The following CSMD1 variants were observed in gnomAD, a reference collection of about 807,000 sequenced individuals.
The protein encoded by CSMD1 is CUB and Sushi multiple domains 1.
Under a neutral mutation model 417.5 loss-of-function variants are expected in CSMD1, and 213 were observed. The observed-to-expected ratio is 0.51, with a 90% CI of 0.46 to 0.57. The LOEUF (loss-of-function observed/expected upper bound fraction) is 0.57, where lower values mean the gene tolerates loss of function less well. Ranked by LOEUF, CSMD1 falls within the 20% of genes least tolerant of loss-of-function variation. The probability of loss-of-function intolerance (pLI) is 0.00; values close to 1 mark genes in which losing one functional copy is unlikely to be tolerated. For synonymous variants in CSMD1, 2,862 were observed against 1,736.8 expected, an observed-to-expected ratio of 1.65 and a Z score of -16.11; for missense variants, 6,923 against 4,529.7, an observed-to-expected ratio of 1.53 and a Z score of -15.17.
chr8:3,920,800 C>T (rs939379812), intron 5 of CSMD1, among the ~76,000 whole-genome samples: 11 of 152,050 alleles, frequency 7.2e-5, no homozygotes, highest in Non-Finnish European at 1.5e-4. Context: ...GTTAAAACAA[C>T]CTTGCATCCC....
chr8:3,143,068 C>T (rs922711269), intron 40 of CSMD1, among the ~76,000 whole-genome samples: 1 of 152,182 alleles, frequency 6.6e-6, no homozygotes, highest in East Asian at 1.9e-4. Flanking sequence ...TCTGTTACAT[C>T]ACCCAAAAGC....
intron 5 of CSMD1, among the ~76,000 whole-genome samples, chr8:3,983,526 T>C (rs1315822886): frequency 6.6e-6 from 1 of 152,216 alleles, no homozygotes; most frequent in East Asian, 1.9e-4. Context: ...GAAACTGCCC[T>C]TGGATGCCAT....
intron 5 of CSMD1, among the ~76,000 whole-genome samples, chr8:3,954,448 C>G (rs1034048874): frequency 2.0e-5 from 3 of 152,118 alleles, no homozygotes; most frequent in Non-Finnish European, 1.5e-5. Context: ...CTCACTGCAA[C>G]CTCCTCCTCC....
intron 5 of CSMD1, among the ~76,000 whole-genome samples, chr8:3,810,456 TG>T (rs1206189983): frequency 5.9e-5 from 9 of 152,096 alleles, no homozygotes; most frequent in African/African-American, 2.2e-4. Flanking sequence ...CGGGAGGACC[TG>T]GGCACACTGC....
At chr8:3,626,158 C>T (rs756747176) in intron 7 of CSMD1, among the ~76,000 whole-genome samples, 5 of 152,162 alleles carry the variant, frequency 3.3e-5, no homozygotes, top group Admixed American at 2.6e-4. Flanking sequence ...CACCAAAGAG[C>T]GACGTCTCTA....
intron 26 of CSMD1, among the ~76,000 whole-genome samples, chr8:3,280,676 C>T (rs1202187183): frequency 2.0e-5 from 3 of 151,960 alleles, no homozygotes; most frequent in South Asian, 2.1e-4. Flanking sequence ...ATAAAAATGA[C>T]AATTTCATAT....
chr8:3,834,514 G>C (rs1222108398), intron 5 of CSMD1, among the ~76,000 whole-genome samples: 1 of 152,146 alleles, frequency 6.6e-6, no homozygotes, highest in African/African-American at 2.4e-5. Context: ...GGAGAAACGG[G>C]GTAGAAGCTG....
intron 1 of CSMD1, among the ~76,000 whole-genome samples, chr8:4,799,306 G>A (rs1258203431): frequency 3.3e-5 from 5 of 152,098 alleles, no homozygotes; most frequent in Admixed American, 6.6e-5. Context: ...TATCAAAGAT[G>A]TTCAATTTAA....
intron 2 of CSMD1, among the ~76,000 whole-genome samples, chr8:4,591,320 T>C (rs1799971696): frequency 6.6e-6 from 1 of 152,216 alleles, no homozygotes; most frequent in East Asian, 1.9e-4. Context: ...TGAGTAATTC[T>C]TTCTGGTCTA....
At chr8:3,275,961 G>A (rs13270431) in intron 26 of CSMD1, among the ~76,000 whole-genome samples, 41,774 of 151,956 alleles carry the variant, frequency 0.27, 5,950 homozygotes, top group African/African-American at 0.34. Flanking sequence ...GCTTTGTTCC[G>A]TTGCTGGTGA....
intron 49 of CSMD1, among the ~76,000 whole-genome samples, chr8:3,063,446 T>C (rs1207636864): frequency 6.6e-6 from 1 of 152,166 alleles, no homozygotes; most frequent in East Asian, 1.9e-4. Context: ...TGGTGGTTCC[T>C]CAAAAAATTA....
intron 4 of CSMD1, among the ~76,000 whole-genome samples, chr8:4,012,467 G>A (rs186912974): frequency 7.9e-5 from 12 of 152,158 alleles, no homozygotes; most frequent in Non-Finnish European, 2.9e-5. Context: ...ACACATGCAG[G>A]TTTGTTACTT....
In CSMD1 at chr8:3,230,057, T is replaced by A; in HGVS notation, c.4328A>T (p.Asp1443Val). The A allele has an allele frequency of 6.2e-7, 1 of 1,606,034 alleles. No individual in the cohort carries two copies. The highest frequency in any genetic ancestry group is 8.5e-7 in the Non-Finnish European group (1 of 1,175,722). ...TCTGATACCTATGCATGTAGGAGGG[T>A]CTGGTTGCCAAAAGAACCGGTTATT... Reference protein sequence around the residue: ...QLNNRFFWQPDPPTCIAACGG... With the variant: ...QLNNRFFWQPVPPTCIAACGG... The change falls in exon 27 of 70, where the codon GAC (aspartate) becomes GTC (valine). Residue 1443 changes from aspartate to valine, a missense_variant. Transcript: ENST00000635120.
chr8:4,308,311 G>C (rs1442948956), intron 3 of CSMD1, among the ~76,000 whole-genome samples: 2 of 151,920 alleles, frequency 1.3e-5, no homozygotes, highest in East Asian at 3.9e-4. Context: ...AAGTGTATGT[G>C]TGGGGTGGTG....
At chr8:3,732,877 A>G (rs1796337886) in intron 6 of CSMD1, among the ~76,000 whole-genome samples, 1 of 152,118 alleles carries the variant, frequency 6.6e-6, no homozygotes, top group South Asian at 2.1e-4. Context: ...AGATCTATCT[A>G]TCTATCCATC....
At chr8:4,443,611 G>A (rs1044090844) in intron 2 of CSMD1, among the ~76,000 whole-genome samples, 9 of 152,112 alleles carry the variant, frequency 5.9e-5, no homozygotes, top group East Asian at 1.9e-4. Flanking sequence ...AGAAAACTTC[G>A]CATTCAAAGA....
At chr8:4,026,882 G>C (rs1023880469) in intron 4 of CSMD1, among the ~76,000 whole-genome samples, 2 of 152,188 alleles carry the variant, frequency 1.3e-5, no homozygotes, top group Non-Finnish European at 2.9e-5. Flanking sequence ...ATTTGGCAAG[G>C]TGTAGTATGC....
intron 5 of CSMD1, among the ~76,000 whole-genome samples, chr8:3,804,163 C>T (rs1800604928): frequency 6.6e-6 from 1 of 151,978 alleles, no homozygotes; most frequent in East Asian, 1.9e-4. Flanking sequence ...AACTCCCGAC[C>T]CCAGGTGATC....
chr8:4,238,357 G>A (rs1487604333), intron 3 of CSMD1, among the ~76,000 whole-genome samples: 1 of 152,186 alleles, frequency 6.6e-6, no homozygotes, highest in Non-Finnish European at 1.5e-5. Context: ...CTCCCAGCAA[G>A]GACTGGGGCA....
Sources: allele counts gnomAD v4.1 joint callset (sites outside exome capture counted in the v4.1 genomes callset), GRCh38; gene constraint gnomAD v4.1.1; transcripts MANE v1.5; gene names NCBI Gene and HGNC (gene_info 2026-07-23, HGNC 2026-07-21).